Variants in LRRC4C observed in about 807,000 individuals in gnomAD.
LRRC4C encodes the protein leucine-rich repeat-containing protein 4C.
In LRRC4C, 5 loss-of-function variants were observed where a neutral mutation model predicts 33.6. That is an observed-to-expected ratio of 0.15 (90% CI 0.08 to 0.31). The LOEUF is 0.31. Ranked by LOEUF, LRRC4C falls within the 10% of genes least tolerant of loss-of-function variation. The pLI, the probability that LRRC4C is intolerant of heterozygous loss-of-function variation, is 1.00. For missense variants in LRRC4C, 560 were observed against 796.7 expected, an observed-to-expected ratio of 0.70 and a Z score of 3.58; for synonymous variants, 329 against 302.0, an observed-to-expected ratio of 1.09 and a Z score of -0.93.
chr11:40,242,733 C>T (rs1184544995), intron 4 of LRRC4C, among the ~76,000 whole-genome samples: 1 of 151,688 alleles, frequency 6.6e-6, no homozygotes, highest in East Asian at 1.9e-4. Flanking sequence ...TAATTGCAAA[C>T]ACAATGTGGT....
chr11:40,659,398 A>G (rs1422917708), intron 2 of LRRC4C, among the ~76,000 whole-genome samples: 2 of 152,084 alleles, frequency 1.3e-5, no homozygotes, highest in African/African-American at 2.4e-5. Flanking sequence ...GTGAAACCCT[A>G]CCTTCAAGCC....
intron 3 of LRRC4C, among the ~76,000 whole-genome samples, chr11:40,575,431 G>A (rs1234810132): frequency 3.3e-5 from 5 of 151,632 alleles, no homozygotes; most frequent in African/African-American, 1.2e-4. Flanking sequence ...GGTTTTCTTG[G>A]GACCTGTGAT....
intron 4 of LRRC4C, among the ~76,000 whole-genome samples, chr11:40,275,366 G>A (rs1264326509): frequency 6.6e-6 from 1 of 152,074 alleles, no homozygotes; most frequent in African/African-American, 2.4e-5. Flanking sequence ...TTAATCCAAT[G>A]GGAGGCTGGA....
intron 2 of LRRC4C, among the ~76,000 whole-genome samples, chr11:40,872,013 G>A (rs1238592791): frequency 1.3e-5 from 2 of 152,144 alleles, no homozygotes; most frequent in Non-Finnish European, 2.9e-5. Context: ...TCTAGTGCCA[G>A]AGCATTGGTC....
intron 3 of LRRC4C, among the ~76,000 whole-genome samples, chr11:40,587,987 T>A (rs958409322): frequency 2.6e-5 from 4 of 152,118 alleles, no homozygotes; most frequent in African/African-American, 9.7e-5. Flanking sequence ...GATGCTGGCC[T>A]CATAAAATGA....
At chr11:40,853,410 TTATATTTA>T (rs1158520670) in intron 2 of LRRC4C, among the ~76,000 whole-genome samples, 2 of 148,332 alleles carry the variant, frequency 1.3e-5, no homozygotes, top group African/African-American at 2.4e-5. Context: ...ATGTTTATAA[TTATATTTA>T]TATATTTATA....
chr11:40,857,094 T>C (rs1230819559), intron 2 of LRRC4C, among the ~76,000 whole-genome samples: 6 of 152,204 alleles, frequency 3.9e-5, no homozygotes, highest in South Asian at 2.1e-4. Flanking sequence ...ATTATCCAGA[T>C]TATACACCAA....
rs530003573 is a variant in LRRC4C, at chr11:41,051,520, C to CAAAAAAAAA, written c.-495-117806_-495-117798dup. On this transcript the variant is annotated intron_variant, in intron 1 of 6. Transcript: ENST00000528697. ...CTCAGTCCCTCCCAGGGTCTCAAGGCAAAAAAAAAAAAAAAAAAAAAAAAA... is the reference window on the plus strand; with the variant it reads ...CTCAGTCCCTCCCAGGGTCTCAAGGCAAAAAAAAAAAAAAAAAAAAAAAAAAAAAAAAAA... Among the ~76,000 whole-genome samples the CAAAAAAAAA allele has an allele frequency of 8.8e-3, 533 of 60,276 alleles. 81 individuals carry two copies. Among genetic ancestry groups the CAAAAAAAAA allele is most frequent in the Middle Eastern group, 0.03 (2 of 66 alleles). The allele number at this position is 60,276 out of a possible 152,430, so 39.5% of individuals were successfully genotyped here.
At chr11:41,161,501 AC>A (rs1449275987) in intron 1 of LRRC4C, among the ~76,000 whole-genome samples, 6 of 152,132 alleles carry the variant, frequency 3.9e-5, no homozygotes, top group African/African-American at 1.2e-4. Context: ...GATATTAAGT[AC>A]CTTTTCCATC....
chr11:40,278,229 C>A (rs16934672), intron 4 of LRRC4C, among the ~76,000 whole-genome samples: 4 of 152,018 alleles, frequency 2.6e-5, no homozygotes, highest in Non-Finnish European at 4.4e-5. Context: ...TATGAGTTTC[C>A]GTCACCTTGC....
intron 3 of LRRC4C, among the ~76,000 whole-genome samples, chr11:40,407,884 A>G (rs561581775): frequency 6.6e-6 from 1 of 152,192 alleles, no homozygotes; most frequent in African/African-American, 2.4e-5. Flanking sequence ...GAATTGGCAA[A>G]GAGAATGAAA....
chr11:40,458,297 A>C (rs1478035385), intron 3 of LRRC4C, among the ~76,000 whole-genome samples: 1 of 152,136 alleles, frequency 6.6e-6, no homozygotes, highest in Non-Finnish European at 1.5e-5. Flanking sequence ...GTATAATCAT[A>C]GTAAGTCTGT....
intron 1 of LRRC4C, among the ~76,000 whole-genome samples, chr11:41,452,910 T>C (rs947384771): frequency 4.2e-4 from 64 of 152,268 alleles, no homozygotes; most frequent in African/African-American, 1.4e-3. Flanking sequence ...TTACTACTAA[T>C]GATTATAAGT....
intron 2 of LRRC4C, among the ~76,000 whole-genome samples, chr11:40,721,686 C>T (rs1004423724): frequency 4.6e-5 from 7 of 152,206 alleles, no homozygotes; most frequent in African/African-American, 1.7e-4. Context: ...CGTGGTGGCT[C>T]ACGCCTGTAA....
At chr11:40,191,763 C>A (rs986759685) in intron 5 of LRRC4C, among the ~76,000 whole-genome samples, 7 of 152,104 alleles carry the variant, frequency 4.6e-5, no homozygotes, top group African/African-American at 1.7e-4. Context: ...GAGTTTAAGA[C>A]CAGCCTGGGC....
chr11:41,084,504 G>T (rs1040155134), intron 1 of LRRC4C, among the ~76,000 whole-genome samples: 8 of 152,072 alleles, frequency 5.3e-5, no homozygotes, highest in African/African-American at 1.9e-4. Context: ...TTCTTCCTTT[G>T]AAATGTTACA....
At chr11:40,656,135 T>C (rs1489910413) in intron 2 of LRRC4C, among the ~76,000 whole-genome samples, 2 of 152,064 alleles carry the variant, frequency 1.3e-5, no homozygotes, top group Non-Finnish European at 2.9e-5. Flanking sequence ...AACTACCTCT[T>C]AGCAGTTTAT....
At position 40,885,313 on chromosome 11, in the gene LRRC4C, G is replaced by A. The variant is rs540669418; in HGVS notation, c.-407+48322C>T. Among the ~76,000 whole-genome samples the A allele has an allele frequency of 8.6e-5, 13 of 152,044 alleles. No individual in the cohort carries two copies. The South Asian group carries it at 2.5e-3, about 29-fold the overall frequency. On this transcript the variant is annotated intron_variant, in intron 2 of 6. Coordinates refer to ENST00000528697, the MANE Select transcript of LRRC4C (RefSeq NM_001258419.2). ...AATTACTTAAGTCCTCTTTTTTAGA[G>A]AAAGCAGATCTGAGCTCGATAAGGA...
intron 3 of LRRC4C, among the ~76,000 whole-genome samples, chr11:40,615,850 G>A (rs1022154798): frequency 6.6e-6 from 1 of 151,732 alleles, no homozygotes; most frequent in Non-Finnish European, 1.5e-5. Flanking sequence ...TACAGTGAAT[G>A]TTGGGCACAT....
Sources: gnomAD v4.1 joint callset for allele counts (sites outside exome capture counted in the v4.1 genomes callset) on GRCh38, gnomAD v4.1.1 for gene constraint, MANE v1.5 for transcripts, NCBI Gene and HGNC (gene_info 2026-07-23, HGNC 2026-07-21) for gene names.